ARHGAP6: variants seen among roughly 807,000 people sequenced by gnomAD.
The protein encoded by ARHGAP6 is rho GTPase-activating protein 6.
A neutral mutation model predicts 55.7 loss-of-function variants in ARHGAP6; 16 were observed. That is an observed-to-expected ratio of 0.29 (90% CI 0.19 to 0.44). The LOEUF is 0.44. ARHGAP6 is among the 20% of genes least tolerant of loss of function. The probability of loss-of-function intolerance (pLI) is 1.00; values close to 1 mark genes in which losing one functional copy is unlikely to be tolerated. For synonymous variants in ARHGAP6, 382 were observed against 360.9 expected (o/e 1.06, Z -0.66); for missense variants, 698 against 808.9 (o/e 0.86, Z 1.66).
At chrX:11,333,646 A>G (rs1438210840) in intron 1 of ARHGAP6, among the ~76,000 whole-genome samples, 3 of 112,469 alleles carry the variant, frequency 2.7e-5, no homozygotes, top group Non-Finnish European at 1.9e-5. Flanking sequence ...GAGAAGAGAT[A>G]GCCTTTTCTT....
At chrX:11,189,520 G>A (rs2046427024) in intron 3 of ARHGAP6, among the ~76,000 whole-genome samples, 1 of 111,806 alleles carries the variant, frequency 8.9e-6, no homozygotes, top group South Asian at 3.8e-4. Context: ...ACAGGCAGAG[G>A]AGCAGCTTGG....
intron 1 of ARHGAP6, among the ~76,000 whole-genome samples, chrX:11,454,211 C>T (rs1317161626): frequency 3.8e-5 from 4 of 106,644 alleles, no homozygotes; most frequent in South Asian, 4.4e-4. Context: ...ACGCCCGCCT[C>T]GGCCTCCCAA....
At chrX:11,213,191 C>T (rs1054231302) in intron 2 of ARHGAP6, among the ~76,000 whole-genome samples, 1 of 113,147 alleles carries the variant, frequency 8.8e-6, no homozygotes. Context: ...GCCACCCTTG[C>T]CCCTTTGGGT....
At chrX:11,455,846 C>A (rs753237475) in intron 1 of ARHGAP6, among the ~76,000 whole-genome samples, 2 of 112,005 alleles carry the variant, frequency 1.8e-5, no homozygotes, top group Admixed American at 9.5e-5. Flanking sequence ...TTTCTCACTT[C>A]TATAATGGAG....
At chrX:11,275,363 G>A (rs1163763715) in intron 1 of ARHGAP6, among the ~76,000 whole-genome samples, 1 of 111,430 alleles carries the variant, frequency 9.0e-6, no homozygotes, top group Non-Finnish European at 1.9e-5. Flanking sequence ...ATAAAATTAG[G>A]GGCAATGATT....
intron 1 of ARHGAP6, among the ~76,000 whole-genome samples, chrX:11,507,288 A>G (rs2050744390): frequency 9.0e-6 from 1 of 110,973 alleles, no homozygotes; most frequent in African/African-American, 3.3e-5. Context: ...TACACTCTCC[A>G]GGATGTGACC....
chrX:11,353,721 G>A (rs911286322), intron 1 of ARHGAP6, among the ~76,000 whole-genome samples: 1 of 110,367 alleles, frequency 9.1e-6, no homozygotes. Context: ...TAGCCCAAAT[G>A]AATTTTTGTC....
At chrX:11,227,793 C>CTTTTTTT (rs199899751) in intron 2 of ARHGAP6, among the ~76,000 whole-genome samples, 5 of 108,199 alleles carry the variant, frequency 4.6e-5, no homozygotes, top group African/African-American at 1.7e-4. Flanking sequence ...CTTTCTTTTT[C>CTTTTTTT]TTTTTTCTTT....
intron 2 of ARHGAP6, among the ~76,000 whole-genome samples, chrX:11,204,195 A>G (rs938908842): frequency 1.8e-5 from 2 of 112,448 alleles, no homozygotes; most frequent in Admixed American, 9.4e-5. Context: ...ACTTGATGAT[A>G]TCATTCACTT....
chrX:11,312,894 C>T (rs1406695113), intron 1 of ARHGAP6, among the ~76,000 whole-genome samples: 3 of 111,412 alleles, frequency 2.7e-5, no homozygotes, highest in African/African-American at 9.8e-5. Context: ...CCAATTCCAG[C>T]CCCCATCACA....
intron 2 of ARHGAP6, among the ~76,000 whole-genome samples, chrX:11,216,405 G>A (rs2046883487): frequency 9.0e-6 from 1 of 111,717 alleles, no homozygotes; most frequent in Non-Finnish European, 1.9e-5. Flanking sequence ...TGTAATCCTA[G>A]CATTCTGGGA....
At chrX:11,596,476 G>A (rs1277610009) in intron 1 of ARHGAP6, among the ~76,000 whole-genome samples, 1 of 111,288 alleles carries the variant, frequency 9.0e-6, no homozygotes, top group Non-Finnish European at 1.9e-5. Context: ...TAATGTAGGT[G>A]ACGGGTTGAT....
chrX:11,378,520 C>T (rs1177840839), intron 1 of ARHGAP6, among the ~76,000 whole-genome samples: 2 of 112,483 alleles, frequency 1.8e-5, no homozygotes, highest in African/African-American at 6.5e-5. Flanking sequence ...TCCTCTGCTT[C>T]AGAGCTTCAT....
chrX:11,362,615 C>A (rs2049027075), intron 1 of ARHGAP6, among the ~76,000 whole-genome samples: 2 of 109,019 alleles, frequency 1.8e-5, no homozygotes, highest in African/African-American at 6.7e-5. Flanking sequence ...TGTAACTAAC[C>A]TGCACATTGT....
At chrX:11,501,426 C>T (rs1445827822) in intron 1 of ARHGAP6, among the ~76,000 whole-genome samples, 1 of 111,929 alleles carries the variant, frequency 8.9e-6, no homozygotes, top group South Asian at 3.7e-4. Context: ...AACAGGTCTT[C>T]TAGCCATAGT....
intron 1 of ARHGAP6, among the ~76,000 whole-genome samples, chrX:11,414,868 G>A (rs2049728861): frequency 9.0e-6 from 1 of 111,682 alleles, no homozygotes; most frequent in Non-Finnish European, 1.9e-5. Context: ...CTAGTAAAAA[G>A]AAGCAGATAA....
At chrX:11,572,715 G>T (rs1406641420) in intron 1 of ARHGAP6, among the ~76,000 whole-genome samples, 1 of 111,858 alleles carries the variant, frequency 8.9e-6, no homozygotes, top group Non-Finnish European at 1.9e-5. Flanking sequence ...GTAATGGGAA[G>T]GCTGGGTCAA....
chrX:11,245,298 T>C (rs915813386), intron 2 of ARHGAP6, among the ~76,000 whole-genome samples: 1 of 111,873 alleles, frequency 8.9e-6, no homozygotes, highest in Admixed American at 9.5e-5. Context: ...AAGCCCCACA[T>C]ATGTATCTCC....
chrX:11,240,652 T>G (rs993273451), intron 2 of ARHGAP6, among the ~76,000 whole-genome samples: 7 of 111,579 alleles, frequency 6.3e-5, no homozygotes, highest in Non-Finnish European at 1.1e-4. Context: ...ATAGGTGAGA[T>G]TCTGAGCTAG....
Sources: gnomAD v4.1 joint callset for allele counts (sites outside exome capture counted in the v4.1 genomes callset) on GRCh38, gnomAD v4.1.1 for gene constraint, MANE v1.5 for transcripts, NCBI Gene and HGNC (gene_info 2026-07-23, HGNC 2026-07-21) for gene names.